ERBB4: variants seen among roughly 807,000 people sequenced by gnomAD.
ERBB4 encodes the protein erb-b2 receptor tyrosine kinase 4.
A neutral mutation model predicts 158.0 loss-of-function variants in ERBB4; 42 were observed. The ratio of observed to expected loss-of-function variants is 0.27; its 90% CI spans 0.21 to 0.34. The LOEUF (loss-of-function observed/expected upper bound fraction) is 0.34, where lower values mean the gene tolerates loss of function less well. ERBB4 is among the 10% of genes least tolerant of loss of function. The pLI is 1.00. For synonymous variants in ERBB4, 583 were observed against 558.7 expected (o/e 1.04, Z -0.61); for missense variants, 1,333 against 1,624.1 (o/e 0.82, Z 3.08).
At chr2:212,454,001 TG>T (rs1173807752) in intron 1 of ERBB4, among the ~76,000 whole-genome samples, 6 of 151,834 alleles carry the variant, frequency 4.0e-5, no homozygotes, top group African/African-American at 1.5e-4. Flanking sequence ...AATGCAGTGG[TG>T]CGATCTCAGC....
chr2:211,784,840 G>T (rs925006926), intron 4 of ERBB4, among the ~76,000 whole-genome samples: 5 of 151,974 alleles, frequency 3.3e-5, no homozygotes, highest in African/African-American at 1.2e-4. Context: ...TTTTGGGGTT[G>T]GTTTTTCTCT....
At chr2:212,282,445 G>C (rs1043861151) in intron 1 of ERBB4, among the ~76,000 whole-genome samples, 1 of 151,704 alleles carries the variant, frequency 6.6e-6, no homozygotes, top group Admixed American at 6.6e-5. Flanking sequence ...AGGTGTTATC[G>C]CCCTGATTTA....
intron 3 of ERBB4, among the ~76,000 whole-genome samples, chr2:211,819,862 G>A (rs895224628): frequency 9.9e-5 from 15 of 151,864 alleles, no homozygotes; most frequent in Non-Finnish European, 1.9e-4. Context: ...GTAGGAAATA[G>A]ATTTTGTTTA....
At chr2:211,500,946 T>C (rs762464444) in intron 20 of ERBB4, among the ~76,000 whole-genome samples, 9 of 152,052 alleles carry the variant, frequency 5.9e-5, no homozygotes, top group Admixed American at 2.0e-4. Context: ...AGAAACATTT[T>C]TCTTTTCTCT....
intron 20 of ERBB4, among the ~76,000 whole-genome samples, chr2:211,445,062 T>G (rs1451765266): frequency 6.6e-6 from 1 of 152,088 alleles, no homozygotes; most frequent in Non-Finnish European, 1.5e-5. Flanking sequence ...AAATGACAAC[T>G]TCTTTGAGGA....
chr2:212,280,503 C>G (rs2085714713), intron 1 of ERBB4, among the ~76,000 whole-genome samples: 1 of 151,634 alleles, frequency 6.6e-6, no homozygotes, highest in Admixed American at 6.6e-5. Flanking sequence ...TATTCTACAT[C>G]TTAAATTTTT....
intron 1 of ERBB4, among the ~76,000 whole-genome samples, chr2:212,197,254 A>C (rs1307329365): frequency 6.6e-6 from 1 of 152,216 alleles, no homozygotes; most frequent in Non-Finnish European, 1.5e-5. Flanking sequence ...TTATACAATA[A>C]AACTTATGAA....
At chr2:211,653,980 A>C (rs2071116893) in intron 16 of ERBB4, among the ~76,000 whole-genome samples, 1 of 152,094 alleles carries the variant, frequency 6.6e-6, no homozygotes, top group African/African-American at 2.4e-5. Flanking sequence ...TGCCCAAAAC[A>C]ACTATTTTCA....
intron 19 of ERBB4, among the ~76,000 whole-genome samples, chr2:211,572,149 G>A (rs934823388): frequency 2.0e-5 from 3 of 151,956 alleles, no homozygotes; most frequent in East Asian, 3.9e-4. Context: ...CATCACTACT[G>A]TAAAAATACC....
intron 1 of ERBB4, among the ~76,000 whole-genome samples, chr2:212,166,177 C>T (rs947035574): frequency 5.3e-5 from 8 of 151,986 alleles, no homozygotes; most frequent in African/African-American, 1.9e-4. Flanking sequence ...TAGACACAGT[C>T]CCTGACCTTT....
chr2:212,100,581 G>A (rs927314731), intron 2 of ERBB4, among the ~76,000 whole-genome samples: 1 of 152,102 alleles, frequency 6.6e-6, no homozygotes, highest in Non-Finnish European at 1.5e-5. Context: ...TCCACTCTGT[G>A]CCAAGAACAG....
At chr2:211,634,225 G>C (rs2070267903) in intron 16 of ERBB4, among the ~76,000 whole-genome samples, 1 of 151,898 alleles carries the variant, frequency 6.6e-6, no homozygotes, top group Non-Finnish European at 1.5e-5. Flanking sequence ...TAATGGCCTT[G>C]TTCTCTTTTT....
chr2:212,333,525 AC>A (rs2088282408), intron 1 of ERBB4, among the ~76,000 whole-genome samples: 1 of 142,848 alleles, frequency 7.0e-6, no homozygotes, highest in Non-Finnish European at 1.5e-5. Flanking sequence ...CAGAAAAAAT[AC>A]GAAAAAAAAA....
intron 1 of ERBB4, among the ~76,000 whole-genome samples, chr2:212,246,203 T>A (rs987982489): frequency 6.6e-6 from 1 of 152,180 alleles, no homozygotes; most frequent in African/African-American, 2.4e-5. Context: ...CAAATAAATT[T>A]AACTTAAAGG....
rs573733644 is a variant in ERBB4 at position 212,224,187 on chromosome 2, T to G, written c.83-99284A>C. Among the ~76,000 whole-genome samples the G allele has an allele frequency of 5.9e-5, 9 of 152,074 alleles. 1 individual carries two copies. In the South Asian group the frequency reaches 1.0e-3, roughly 17 times the overall value. On this transcript the variant is annotated intron_variant, in intron 1 of 27. Transcript: ENST00000342788. ...AATTTACACCAAATAAAAAGCCAGTTCAAGAATTTTATCAATTTCTTCTCT... is the reference window on the plus strand; with the variant it reads ...AATTTACACCAAATAAAAAGCCAGTGCAAGAATTTTATCAATTTCTTCTCT...
intron 17 of ERBB4, 59 bp from the exon 18 acceptor site, chr2:211,624,103 GTCTC>G (rs146953835): frequency 3.7e-4 from 503 of 1,376,192 alleles, no homozygotes; most frequent in Non-Finnish European, 4.1e-4. Context: ...CTCTCTCTCT[GTCTC>G]TCTCTCTCTC....
At chr2:212,465,218 C>T (rs1439597135) in intron 1 of ERBB4, among the ~76,000 whole-genome samples, 1 of 152,040 alleles carries the variant, frequency 6.6e-6, no homozygotes, top group Non-Finnish European at 1.5e-5. Flanking sequence ...AAATGACCTC[C>T]TAGGTCTTTT....
At chr2:211,524,018 G>A (rs114173253) in intron 20 of ERBB4, among the ~76,000 whole-genome samples, 2 of 151,880 alleles carry the variant, frequency 1.3e-5, no homozygotes, top group Non-Finnish European at 2.9e-5. Context: ...ACCAGAATAG[G>A]TAGATACAGA....
At chr2:211,435,898 G>A (rs2063841623) in intron 20 of ERBB4, among the ~76,000 whole-genome samples, 1 of 152,098 alleles carries the variant, frequency 6.6e-6, no homozygotes, top group African/African-American at 2.4e-5. Context: ...CTCTTAATGG[G>A]TCACAGGGTT....
Sources: allele counts gnomAD v4.1 joint callset (sites outside exome capture counted in the v4.1 genomes callset), GRCh38; gene constraint gnomAD v4.1.1; transcripts MANE v1.5; gene names NCBI Gene and HGNC (gene_info 2026-07-23, HGNC 2026-07-21).